Variants in ACTL6A observed in about 807,000 individuals in gnomAD.
ACTL6A encodes actin-like protein 6A.
Under a neutral mutation model 59.2 loss-of-function variants are expected in ACTL6A, and 5 were observed. The ratio of observed to expected loss-of-function variants is 0.08; its 90% confidence interval spans 0.04 to 0.18. The LOEUF is 0.18. Among genes scored for constraint, ACTL6A ranks in the 10% least tolerant of loss-of-function variants. The probability of loss-of-function intolerance (pLI) is 1.00; values close to 1 mark genes in which losing one functional copy is unlikely to be tolerated. For synonymous variants in ACTL6A, 154 were observed against 171.8 expected (o/e 0.90, Z 0.81); for missense variants, 285 against 526.9 (o/e 0.54, Z 4.49).
At chr3:179,582,841 CA>C (rs1016984112) in intron 11 of ACTL6A, among the ~76,000 whole-genome samples, 12 of 150,464 alleles carry the variant, frequency 8.0e-5, no homozygotes, top group Non-Finnish European at 1.5e-4. Context: ...AGCTATCTGC[CA>C]AAAAAAAATT....
chr3:179,572,791 C>T (rs1718049665), intron 3 of ACTL6A, among the ~76,000 whole-genome samples: 1 of 151,634 alleles, frequency 6.6e-6, no homozygotes, highest in African/African-American at 2.4e-5. Flanking sequence ...GGGGACAGAA[C>T]GAGACTCCAT....
At position 179,570,345 on chromosome 3, in the gene ACTL6A, TTTG is replaced by T; in HGVS notation, c.277+107_277+109del. ...TTGAACATCAACCATGGTTTTTTGT[TTTG>T]TTTTGTTTTTTATTCCACAAACTGA... On this transcript the variant is annotated intron_variant, in intron 3 of 13. Coordinates refer to ENST00000429709, the MANE Select transcript of ACTL6A (RefSeq NM_004301.5). This position sits in a 1 kb window ranked among gnomAD's most constrained non-coding sequence, Gnocchi z 4.3. 3 of 1,096,834 alleles carry T rather than the reference TTTG, an allele frequency of 2.7e-6. No homozygotes were observed. The South Asian group carries it at 6.1e-5, about 22-fold the overall frequency. 67.9% of individuals were successfully genotyped at this position (1,096,834 alleles called of 1,614,324 possible).
At chr3:179,584,147 C>T (rs1319530489) in intron 12 of ACTL6A, 1 of 152,168 alleles carries the variant, frequency 6.6e-6, no homozygotes, top group Admixed American at 6.5e-5. Flanking sequence ...TATGCTGAAT[C>T]TCTAGGGGAA....
At position 179,570,273 on chromosome 3, in the gene ACTL6A, G is replaced by C. The variant is rs762499277; in HGVS notation, c.277+32G>C. The C allele has an allele frequency of 3.8e-6, 6 of 1,563,758 alleles. No individual in the cohort carries two copies. In the African/African-American group the frequency reaches 5.5e-5, roughly 14 times the overall value. On this transcript the variant is annotated intron_variant, in intron 3 of 13. Transcript: ENST00000429709. The surrounding 1 kb of genome is among the most constrained non-coding windows in gnomAD (Gnocchi z 4.3). Reference sequence around the variant, plus strand: ...TGTTTTCCCCATGGAATTGATTATGGAGTGTACATGTTATATTTTAGATAC... The same window carrying C: ...TGTTTTCCCCATGGAATTGATTATGCAGTGTACATGTTATATTTTAGATAC...
In ACTL6A at chr3:179,574,427, A is replaced by G; in HGVS notation, c.436A>G (p.Ile146Val). 1.2e-6 allele frequency: 2 copies of G among 1,613,500 alleles called. No individual in the cohort carries two copies. Among genetic ancestry groups the G allele is most frequent in the South Asian group, 1.1e-5 (1 of 91,062 alleles). ...AGAGTTAATGTTTGAACACTACAAC[A>G]TCCCTGCCTTCTTCCTTTGCAAAAC... is the stretch of plus-strand genomic sequence containing the variant. Reference protein sequence around the residue: ...LTELMFEHYNIPAFFLCKTAV... With the variant: ...LTELMFEHYNVPAFFLCKTAV... The change falls in exon 5 of 14, where the codon ATC becomes GTC. Residue 146 changes from isoleucine (I) to valine (V), a missense_variant. Coordinates refer to ENST00000429709, the MANE Select transcript of ACTL6A (RefSeq NM_004301.5).
In ACTL6A at chr3:179,573,438, G is replaced by A. The variant is rs1328296060; in HGVS notation, c.347G>A (p.Ser116Asn). The A allele has an allele frequency of 6.3e-7, 1 of 1,588,496 alleles. No homozygotes were observed. The highest frequency in any genetic ancestry group is 1.8e-5 in the Admixed American group (1 of 55,182). ...AAAATGCATGTCAAATCAGAAGCCA[G>A]TCTCCATCCTGTTCTCATGTCAGAG... Reference protein sequence around the residue: ...TYKMHVKSEASLHPVLMSEAP... With the variant: ...TYKMHVKSEANLHPVLMSEAP... The change falls in exon 4 of 14, where the codon AGT becomes AAT. Residue 116 changes from serine (S) to asparagine (N), a missense_variant. Transcript: ENST00000429709.
intron 1 of ACTL6A, among the ~76,000 whole-genome samples, chr3:179,567,692 T>A (rs1347183376): frequency 1.3e-5 from 2 of 152,194 alleles, no homozygotes; most frequent in Non-Finnish European, 2.9e-5. Flanking sequence ...TACTTACGAT[T>A]TGTACTCAAG....
In ACTL6A at chr3:179,576,812, T is replaced by C. The variant is rs1718180064; in HGVS notation, c.679-12T>C. 6.2e-7 allele frequency: 1 copy of C among 1,613,600 alleles called. No individual in the cohort carries two copies. Among genetic ancestry groups the C allele is most frequent in the South Asian group, 1.1e-5 (1 of 91,050 alleles). On this transcript the variant is annotated splice_polypyrimidine_tract_variant and intron_variant, in intron 7 of 13. Coordinates refer to ENST00000429709, the MANE Select transcript of ACTL6A (RefSeq NM_004301.5). ...TGAACTCCATTAACCTAGCATCTCT[T>C]GGTACTCTCAGGAAGCTGTTCGTGA...
intron 8 of ACTL6A, among the ~76,000 whole-genome samples, chr3:179,578,251 T>TGCC (rs1247419525): frequency 6.6e-6 from 1 of 152,192 alleles, no homozygotes; most frequent in Non-Finnish European, 1.5e-5. Context: ...GGTCAGGAGT[T>TGCC]GGAGACCAGC....
chr3:179,575,352 C>A, intron 5 of ACTL6A: 1 of 456,366 alleles, frequency 2.2e-6, no homozygotes, highest in Non-Finnish European at 4.4e-6. Flanking sequence ...AATAGGTTTC[C>A]CTTTTACATC....
At chr3:179,581,275 TC>T in intron 11 of ACTL6A, 55 bp downstream of exon 11, 1 of 1,407,576 alleles carries the variant, frequency 7.1e-7, no homozygotes, top group Non-Finnish European at 1.0e-6. Flanking sequence ...GACTGAAATG[TC>T]CCCAAATCAT....
At chr3:179,563,391 T>C (rs1348429775) in intron 1 of ACTL6A, among the ~76,000 whole-genome samples, 1 of 152,128 alleles carries the variant, frequency 6.6e-6, no homozygotes, top group African/African-American at 2.4e-5. Flanking sequence ...CTCGGTTCTC[T>C]AGGGAGCCTC....
At chr3:179,565,228 G>A (rs1450107167) in intron 1 of ACTL6A, among the ~76,000 whole-genome samples, 1 of 151,852 alleles carries the variant, frequency 6.6e-6, no homozygotes, top group Non-Finnish European at 1.5e-5. Context: ...CTTGAGGCCA[G>A]GAGTTCAAGA....
chr3:179,575,757 C>T (rs1016671226), intron 5 of ACTL6A, among the ~76,000 whole-genome samples: 4 of 152,340 alleles, frequency 2.6e-5, no homozygotes, highest in African/African-American at 9.6e-5. Flanking sequence ...TAGGAACTGC[C>T]ATATGGCTGC....
chr3:179,573,325 C>T (rs1050058751), intron 3 of ACTL6A, 44 bp from the exon 4 acceptor site: 3 of 1,300,496 alleles, frequency 2.3e-6, no homozygotes, highest in Non-Finnish European at 3.2e-6. Flanking sequence ...CTATATTCAT[C>T]TTCAACTATG....
chr3:179,576,153 C>T, intron 5 of ACTL6A, 64 bp from the exon 6 acceptor site: 1 of 1,137,026 alleles, frequency 8.8e-7, no homozygotes, highest in East Asian at 2.4e-5. Context: ...TAAGAGCCTG[C>T]CCTTTACAAT....
At chr3:179,580,172 C>A (rs1459460375) in intron 8 of ACTL6A, among the ~76,000 whole-genome samples, 2 of 152,124 alleles carry the variant, frequency 1.3e-5, no homozygotes, top group Non-Finnish European at 2.9e-5. Context: ...AGATATTAGA[C>A]AAGATTTTTC....
chr3:179,563,068 G>T lies in ACTL6A; in HGVS notation c.-25G>T. 3 of 1,610,716 alleles carry T rather than the reference G, an allele frequency of 1.9e-6. No individual in the cohort carries two copies. Among genetic ancestry groups the T allele is most frequent in the Non-Finnish European group, 1.7e-6 (2 of 1,179,454 alleles). ...AGTCACTTCGCCAGTTAGCCCTTAG[G>T]GTAGGAGTCGCGCCGGCAGCAGCCA... On this transcript the variant is annotated 5_prime_UTR_variant, in exon 1 of 14. Coordinates refer to ENST00000429709, the MANE Select transcript of ACTL6A (RefSeq NM_004301.5).
chr3:179,572,776 G>C (rs1040979039), intron 3 of ACTL6A, among the ~76,000 whole-genome samples: 1 of 152,168 alleles, frequency 6.6e-6, no homozygotes, highest in African/African-American at 2.4e-5. Flanking sequence ...TTGCACTCCA[G>C]TGTGGGGGAC....
Sources: allele counts gnomAD v4.1 joint callset (sites outside exome capture counted in the v4.1 genomes callset), GRCh38; gene constraint gnomAD v4.1.1; non-coding constraint Gnocchi (gnomAD v3.1); transcripts MANE v1.5; gene names NCBI Gene and HGNC (gene_info 2026-07-23, HGNC 2026-07-21).